The following ATP8B4 variants were observed in gnomAD, a reference collection of about 807,000 sequenced individuals.
ATP8B4 encodes the protein ATPase phospholipid transporting 8B4 (putative), also known as probable phospholipid-transporting ATPase IM.
Under a neutral mutation model 145.6 loss-of-function variants are expected in ATP8B4, and 133 were observed. That is an observed-to-expected ratio of 0.91 (90% CI 0.79 to 1.05). ATP8B4 has a LOEUF of 1.05. Among genes scored for constraint, ATP8B4 ranks in the 50% least tolerant of loss-of-function variants. The pLI, the probability that ATP8B4 is intolerant of heterozygous loss-of-function variation, is 0.00. For missense variants in ATP8B4, 1,458 were observed against 1,425.2 expected, an observed-to-expected ratio of 1.02 and a Z score of -0.37; for synonymous variants, 507 against 492.9, an observed-to-expected ratio of 1.03 and a Z score of -0.38.
At chr15:50,078,343 GCA>G (rs2054320931) in intron 2 of ATP8B4, among the ~76,000 whole-genome samples, 1 of 151,896 alleles carries the variant, frequency 6.6e-6, no homozygotes, top group African/African-American at 2.4e-5. Flanking sequence ...ACCATACCCA[GCA>G]CCTCAAAGAT....
In ATP8B4 at chr15:50,085,336, G is replaced by A. The variant is rs117024549; in HGVS notation, c.29-11151C>T. Among the ~76,000 whole-genome samples the A allele has an allele frequency of 1.8e-3, 270 of 152,108 alleles. 2 individuals are homozygous for A. Among genetic ancestry groups the A allele is most frequent in the Middle Eastern group, 3.4e-3 (1 of 294 alleles). On this transcript the variant is annotated intron_variant, in intron 2 of 27. Transcript: ENST00000284509. ...AGACCATCATCTCCTCCACTTTAAC[G>A]TTCCTTCCATCACACTTTGCCTAAT...
At position 49,879,375 on chromosome 15, in the gene ATP8B4, C is replaced by G. The variant is rs750066978; in HGVS notation, c.2781+1G>C. 1.2e-6 allele frequency: 2 copies of G among 1,606,840 alleles called. No homozygotes were observed. The highest frequency in any genetic ancestry group is 1.7e-6 in the Non-Finnish European group (2 of 1,176,132). ...GTTATAAAGATGGAAAAAAAACATA[C>G]CTGGTCAAAAATCCCCATGGCTAAA... On this transcript the variant is annotated splice_donor_variant, in intron 24 of 27. Transcript: ENST00000284509. LOFTEE classifies it high-confidence loss of function.
intron 6 of ATP8B4, among the ~76,000 whole-genome samples, chr15:50,019,470 TGAAATA>T (rs2049356264): frequency 1.3e-5 from 2 of 152,368 alleles, no homozygotes; most frequent in African/African-American, 4.8e-5. Flanking sequence ...TACTTTCAGA[TGAAATA>T]GATTCATTAA....
At chr15:50,002,324 C>T (rs1362554121) in intron 7 of ATP8B4, 101 bp from the exon 8 acceptor site, 5 of 910,248 alleles carry the variant, frequency 5.5e-6, no homozygotes, top group Non-Finnish European at 8.3e-6. Flanking sequence ...GCAACAGAGC[C>T]TCAGAAACAG....
intron 8 of ATP8B4, among the ~76,000 whole-genome samples, chr15:49,998,447 C>T (rs368763071): frequency 1.8e-4 from 27 of 152,238 alleles, no homozygotes; most frequent in Non-Finnish European, 2.5e-4. Context: ...TGGCGTGAGA[C>T]GGTATCTCAT....
At chr15:49,923,973 G>A (rs1357713184) in intron 16 of ATP8B4, among the ~76,000 whole-genome samples, 2 of 151,794 alleles carry the variant, frequency 1.3e-5, no homozygotes, top group Non-Finnish European at 2.9e-5. Context: ...GGCCCTTGCT[G>A]ACATATTTCT....
intron 26 of ATP8B4, among the ~76,000 whole-genome samples, chr15:49,864,748 G>GAAT (rs1388046345): frequency 6.6e-6 from 1 of 152,082 alleles, no homozygotes. Flanking sequence ...ACATTTGCAT[G>GAAT]AATAATAATA....
intron 2 of ATP8B4, among the ~76,000 whole-genome samples, chr15:50,095,565 T>G (rs28492371): frequency 0.35 from 52,708 of 151,902 alleles, 9,810 homozygotes; most frequent in Non-Finnish European, 0.42. Context: ...AAGACAAACC[T>G]GAACAGTATA....
intron 13 of ATP8B4, among the ~76,000 whole-genome samples, 158 bp from the exon 14 acceptor site, chr15:49,962,178 T>C (rs1410715622): frequency 6.6e-6 from 1 of 152,248 alleles, no homozygotes. Context: ...TTTCAAATTG[T>C]AACCATAAAC....
chr15:50,180,328 G>A (rs1353749968), intron 1 of ATP8B4, among the ~76,000 whole-genome samples: 1 of 152,200 alleles, frequency 6.6e-6, no homozygotes, highest in Non-Finnish European at 1.5e-5. Context: ...AGGAGGTGCA[G>A]AGGAGAAATA....
intron 1 of ATP8B4, among the ~76,000 whole-genome samples, chr15:50,170,708 C>T (rs1260341843): frequency 1.3e-5 from 2 of 152,118 alleles, no homozygotes; most frequent in Non-Finnish European, 2.9e-5. Flanking sequence ...TCTCACATTT[C>T]AATATTAACA....
intron 14 of ATP8B4, among the ~76,000 whole-genome samples, chr15:49,943,526 T>C (rs1050495694): frequency 6.6e-6 from 1 of 152,182 alleles, no homozygotes; most frequent in Non-Finnish European, 1.5e-5. Context: ...CAGTAGATTT[T>C]CCAGCAGAAA....
chr15:50,023,196 T>C (rs2049723328), intron 6 of ATP8B4, among the ~76,000 whole-genome samples: 1 of 152,210 alleles, frequency 6.6e-6, no homozygotes, highest in African/African-American at 2.4e-5. Flanking sequence ...ATGGTCTTAT[T>C]TATAGTCTGT....
At chr15:49,978,266 A>G (rs533540225) in intron 12 of ATP8B4, among the ~76,000 whole-genome samples, 3 of 152,328 alleles carry the variant, frequency 2.0e-5, no homozygotes, top group East Asian at 1.9e-4. Context: ...GGCAAAGAGC[A>G]GGATTTACTA....
chr15:49,948,096 C>T (rs1363615603), intron 14 of ATP8B4, among the ~76,000 whole-genome samples: 1 of 152,048 alleles, frequency 6.6e-6, no homozygotes, highest in African/African-American at 2.4e-5. Flanking sequence ...AACAAAAGCA[C>T]AGACAATGAA....
intron 3 of ATP8B4, among the ~76,000 whole-genome samples, chr15:50,057,909 G>T (rs2052720790): frequency 6.6e-6 from 1 of 151,972 alleles, no homozygotes; most frequent in South Asian, 2.1e-4. Context: ...TTTCTCCAGG[G>T]TGTTTAGACG....
At chr15:50,081,486 T>A (rs778088355) in intron 2 of ATP8B4, among the ~76,000 whole-genome samples, 1 of 152,214 alleles carries the variant, frequency 6.6e-6, no homozygotes, top group South Asian at 2.1e-4. Context: ...CAAATGCCCA[T>A]TGATTCTACT....
intron 2 of ATP8B4, among the ~76,000 whole-genome samples, chr15:50,104,984 G>C (rs961091247): frequency 1.3e-5 from 2 of 152,010 alleles, no homozygotes; most frequent in Non-Finnish European, 2.9e-5. Context: ...ATTATTCTAA[G>C]TGAAGTAACT....
At chr15:49,921,953 C>T (rs2040302530) in intron 17 of ATP8B4, among the ~76,000 whole-genome samples, 1 of 152,192 alleles carries the variant, frequency 6.6e-6, no homozygotes, top group African/African-American at 2.4e-5. Flanking sequence ...CTTTAACTTG[C>T]ATCCCCACTG....
Sources: allele counts gnomAD v4.1 joint callset (sites outside exome capture counted in the v4.1 genomes callset), GRCh38; gene constraint gnomAD v4.1.1; transcripts MANE v1.5; gene names NCBI Gene and HGNC (gene_info 2026-07-23, HGNC 2026-07-21).